The following ZNF521 variants were observed in gnomAD, a reference collection of about 807,000 sequenced individuals.
ZNF521 encodes LYST-interacting protein 3.
Under a neutral mutation model 105.5 loss-of-function variants are expected in ZNF521, and 14 were observed. That is an observed-to-expected ratio of 0.13 (90% CI 0.09 to 0.21). The LOEUF (loss-of-function observed/expected upper bound fraction) is 0.21. Among genes scored for constraint, ZNF521 ranks in the 10% least tolerant of loss-of-function variants. ZNF521 has a pLI of 1.00. For synonymous variants in ZNF521, 635 were observed against 606.0 expected, an observed-to-expected ratio of 1.05 and a Z score of -0.70; for missense variants, 1,233 against 1,629.7, an observed-to-expected ratio of 0.76 and a Z score of 4.19.
chr18:25,093,498 A>C (rs1029618375), intron 5 of ZNF521, among the ~76,000 whole-genome samples: 2 of 152,188 alleles, frequency 1.3e-5, no homozygotes, highest in Non-Finnish European at 2.9e-5. Context: ...CTGCCAGCTG[A>C]TATTACTGGT....
intron 3 of ZNF521, among the ~76,000 whole-genome samples, chr18:25,292,627 A>G (rs867656753): frequency 6.6e-6 from 1 of 152,204 alleles, no homozygotes; most frequent in Non-Finnish European, 1.5e-5. Context: ...GTAGGTGGGT[A>G]TGGATAGTGG....
chr18:25,150,816 T>C (rs905395997), intron 5 of ZNF521, among the ~76,000 whole-genome samples: 4 of 152,092 alleles, frequency 2.6e-5, no homozygotes, highest in Non-Finnish European at 4.4e-5. Flanking sequence ...GGGCTAGTTA[T>C]ATTTCCCCCC....
intron 2 of ZNF521, among the ~76,000 whole-genome samples, chr18:25,350,376 C>G (rs1243598582): frequency 6.6e-6 from 1 of 152,042 alleles, no homozygotes; most frequent in Non-Finnish European, 1.5e-5. Flanking sequence ...GGAGAGGACC[C>G]AAGCAGGACG....
Position 25,248,505 on chromosome 18 carries a change from T to C in ZNF521, c.221-20808A>G, listed in dbSNP as rs564859277. The stretch of plus-strand genomic sequence containing the variant: ...CTTCATCATGACATTTAGGCAAAGA[T>C]AACCTTATGGTTTTCTAAATAACAC... On this transcript the variant is annotated intron_variant, in intron 3 of 7. Coordinates refer to ENST00000361524, the MANE Select transcript of ZNF521 (RefSeq NM_015461.3). Among the ~76,000 whole-genome samples the C allele has an allele frequency of 5.5e-4, 84 of 152,382 alleles. 1 individual carries two copies. The highest frequency in any genetic ancestry group is 6.8e-3 in the Middle Eastern group (2 of 294).
chr18:25,184,827 A>T (rs2035693010), intron 5 of ZNF521, among the ~76,000 whole-genome samples: 1 of 152,212 alleles, frequency 6.6e-6, no homozygotes, highest in African/African-American at 2.4e-5. Flanking sequence ...TACTAAAATT[A>T]TGACAACAAA....
At chr18:25,062,783 A>AAAAAAAAAAAAAAAAAAC in intron 7 of ZNF521, 42 bp from the exon 8 acceptor site, 1 of 1,378,266 alleles carries the variant, frequency 7.3e-7, no homozygotes, top group Non-Finnish European at 9.6e-7. Context: ...AAAAAAAAAA[A>AAAAAAAAAAAAAAAAAAC]AAGAGAAGAG....
intron 6 of ZNF521, among the ~76,000 whole-genome samples, chr18:25,090,094 G>C (rs2033711393): frequency 6.6e-6 from 1 of 152,098 alleles, no homozygotes. Context: ...GATACTTTAA[G>C]ATCAACTCAG....
At chr18:25,260,805 G>C (rs1908855263) in intron 3 of ZNF521, among the ~76,000 whole-genome samples, 1 of 152,100 alleles carries the variant, frequency 6.6e-6, no homozygotes, top group East Asian at 1.9e-4. Flanking sequence ...AGAGTCATAG[G>C]TACAAATGAA....
At chr18:25,158,609 C>T (rs2035192157) in intron 5 of ZNF521, among the ~76,000 whole-genome samples, 1 of 151,816 alleles carries the variant, frequency 6.6e-6, no homozygotes, top group Admixed American at 6.6e-5. Flanking sequence ...GTTGAGGATG[C>T]TAAAGAACAC....
At chr18:25,198,209 TGATA>T (rs2035934707) in intron 4 of ZNF521, among the ~76,000 whole-genome samples, 1 of 151,880 alleles carries the variant, frequency 6.6e-6, no homozygotes, top group Non-Finnish European at 1.5e-5. Context: ...TTTCTGATAC[TGATA>T]GATGTAATTA....
chr18:25,116,913 G>GTATA (rs1491483791), intron 5 of ZNF521, among the ~76,000 whole-genome samples: 2 of 127,914 alleles, frequency 1.6e-5, no homozygotes, highest in African/African-American at 3.3e-5. Context: ...GTATATATAC[G>GTATA]TATATCTATG....
chr18:25,303,271 CGTGTGTGTGTGT>C (rs756904913), intron 3 of ZNF521, among the ~76,000 whole-genome samples: 4 of 132,612 alleles, frequency 3.0e-5, no homozygotes, highest in South Asian at 2.4e-4. Flanking sequence ...TTCTTTCTTT[CGTGTGTGTGTGT>C]GTGTGTGTGT....
rs117024893 is a variant in ZNF521, at chr18:25,186,998, G to A, written c.3658+8162C>T. 1.8e-3 allele frequency among the ~76,000 whole-genome samples: 279 copies of A among 152,060 alleles called. 2 individuals are homozygous for A. The highest frequency in any genetic ancestry group is 0.01 in the Middle Eastern group (3 of 290). ...AGTCATACTTCTGTACGTTCCATGT[G>A]GCTGCAAGATTGTGTCTGATATGTA... On this transcript the variant is annotated intron_variant, in intron 5 of 7. Coordinates refer to ENST00000361524, the MANE Select transcript of ZNF521 (RefSeq NM_015461.3).
chr18:25,100,873 A>G (rs1470592093), intron 5 of ZNF521, among the ~76,000 whole-genome samples: 1 of 152,128 alleles, frequency 6.6e-6, no homozygotes, highest in Non-Finnish European at 1.5e-5. Context: ...CCTGATTGTA[A>G]TTAAGGCCAC....
At chr18:25,318,710 T>C (rs1912771720) in intron 3 of ZNF521, among the ~76,000 whole-genome samples, 1 of 152,170 alleles carries the variant, frequency 6.6e-6, no homozygotes, top group Non-Finnish European at 1.5e-5. Context: ...GGTATCAATA[T>C]GAACATATGG....
In ZNF521 at chr18:25,317,147, A is replaced by G. The variant is rs547040010; in HGVS notation, c.220+4861T>C. Among the ~76,000 whole-genome samples the G allele has an allele frequency of 2.6e-5, 4 of 152,032 alleles. No homozygotes were observed. In the East Asian group the frequency reaches 7.8e-4, roughly 29 times the overall value. Reference sequence around the variant, plus strand: ...GCTGGGATTACAGACATGAGCCACGACGCCCGGCCTCTACTTTTCTACCTT... The same window carrying G: ...GCTGGGATTACAGACATGAGCCACGGCGCCCGGCCTCTACTTTTCTACCTT... On this transcript the variant is annotated intron_variant, in intron 3 of 7. Coordinates refer to ENST00000361524, the MANE Select transcript of ZNF521 (RefSeq NM_015461.3).
intron 3 of ZNF521, among the ~76,000 whole-genome samples, chr18:25,286,273 A>G (rs911211629): frequency 5.9e-5 from 9 of 152,210 alleles, no homozygotes; most frequent in Admixed American, 1.3e-4. Context: ...TCAGCAGAAG[A>G]GCTTGAGTGG....
intron 3 of ZNF521, among the ~76,000 whole-genome samples, chr18:25,263,453 G>A (rs536261404): frequency 3.3e-5 from 5 of 152,230 alleles, no homozygotes; most frequent in Non-Finnish European, 7.4e-5. Context: ...CACCTCCTGG[G>A]TTCAAGGGAT....
At chr18:25,303,824 T>C (rs946586247) in intron 3 of ZNF521, among the ~76,000 whole-genome samples, 1 of 152,188 alleles carries the variant, frequency 6.6e-6, no homozygotes, top group African/African-American at 2.4e-5. Context: ...ACAAAGATAT[T>C]TGGTTAACTA....
Sources: allele counts gnomAD v4.1 joint callset (sites outside exome capture counted in the v4.1 genomes callset), GRCh38; gene constraint gnomAD v4.1.1; transcripts MANE v1.5; gene names NCBI Gene and HGNC (gene_info 2026-07-23, HGNC 2026-07-21).